TSHZ3: variants seen among roughly 807,000 people sequenced by gnomAD.
The protein encoded by TSHZ3 is teashirt zinc finger homeobox 3.
In TSHZ3, 10 loss-of-function variants were observed where a neutral mutation model predicts 64.5. The ratio of observed to expected loss-of-function variants is 0.16; its 90% CI spans 0.10 to 0.26. The LOEUF is 0.26. Among genes scored for constraint, TSHZ3 ranks in the 10% least tolerant of loss-of-function variants. The pLI is 1.00. For synonymous variants in TSHZ3, 608 were observed against 593.1 expected, an observed-to-expected ratio of 1.03 and a Z score of -0.36; for missense variants, 1,242 against 1,421.7, an observed-to-expected ratio of 0.87 and a Z score of 2.03.
intron 1 of TSHZ3, among the ~76,000 whole-genome samples, chr19:31,282,721 G>A (rs1686610270): frequency 6.6e-6 from 1 of 152,180 alleles, no homozygotes; most frequent in Admixed American, 6.5e-5. Context: ...TCAGTCTGAT[G>A]ACTGAGGAGG....
chr19:31,248,440 G>A (rs776568279), intron 1 of TSHZ3, among the ~76,000 whole-genome samples: 1 of 151,972 alleles, frequency 6.6e-6, no homozygotes, highest in Non-Finnish European at 1.5e-5. Context: ...AAGCAACCAG[G>A]GTCTCCAGCC....
At chr19:31,281,523 T>C (rs1223707103) in intron 1 of TSHZ3, among the ~76,000 whole-genome samples, 1 of 152,176 alleles carries the variant, frequency 6.6e-6, no homozygotes, top group East Asian at 1.9e-4. Flanking sequence ...TCTTTACAAA[T>C]GACCAGAAGA....
At chr19:31,224,472 C>G (rs1429266438) in intron 4 of TSHZ3, among the ~76,000 whole-genome samples, 2 of 152,208 alleles carry the variant, frequency 1.3e-5, no homozygotes, top group Non-Finnish European at 2.9e-5. Context: ...AAGGAAGTTT[C>G]AAGTGACGTT....
downstream of TSHZ3, among the ~76,000 whole-genome samples, chr19:31,273,814 A>G (rs904813942): frequency 6.6e-6 from 1 of 152,224 alleles, no homozygotes; most frequent in Non-Finnish European, 1.5e-5. Context: ...GGCCAGCCAC[A>G]GAGAAGATGG....
chr19:31,271,473 C>T (rs1245014149), downstream of TSHZ3, among the ~76,000 whole-genome samples: 1 of 152,212 alleles, frequency 6.6e-6, no homozygotes, highest in Non-Finnish European at 1.5e-5. Context: ...AGCTGCCACA[C>T]GGCACGCAGG....
chr19:31,246,590 G>A (rs1975760163), intron 1 of TSHZ3, among the ~76,000 whole-genome samples: 1 of 152,026 alleles, frequency 6.6e-6, no homozygotes, highest in South Asian at 2.1e-4. Context: ...AAAAACTCAT[G>A]GTTTAAAAAG....
chr19:31,242,812 A>T (rs1174048265), exon 2 of TSHZ3, among the ~76,000 whole-genome samples: 2 of 89,726 alleles, frequency 2.2e-5, no homozygotes, highest in Non-Finnish European at 4.2e-5. Context: ...TGGGTGTCTC[A>T]GTTCTAGGAG....
chr19:31,212,926 CAG>C (rs968099986), intron 4 of TSHZ3, among the ~76,000 whole-genome samples: 4 of 151,968 alleles, frequency 2.6e-5, no homozygotes, highest in African/African-American at 4.8e-5. Context: ...ACTATAAAGA[CAG>C]AAGCTAACAA....
At chr19:31,198,672 G>A (rs989844858) in intron 5 of TSHZ3, among the ~76,000 whole-genome samples, 3 of 151,942 alleles carry the variant, frequency 2.0e-5, no homozygotes, top group South Asian at 2.1e-4. Flanking sequence ...ACAAAATACC[G>A]TTTATATTAA....
At chr19:31,283,640 C>T (rs533455560) in intron 1 of TSHZ3, among the ~76,000 whole-genome samples, 6 of 152,282 alleles carry the variant, frequency 3.9e-5, no homozygotes, top group African/African-American at 9.6e-5. Context: ...CGTCCTTCCT[C>T]GGCTACATGT....
chr19:31,244,549 A>G (rs1404166878), intron 1 of TSHZ3, among the ~76,000 whole-genome samples: 1 of 152,234 alleles, frequency 6.6e-6, no homozygotes, highest in Non-Finnish European at 1.5e-5. Flanking sequence ...ACTATAAAGT[A>G]TATCAGTATA....
At chr19:31,162,839 G>A (rs2145105019) in intron 5 of TSHZ3, among the ~76,000 whole-genome samples, 1 of 152,316 alleles carries the variant, frequency 6.6e-6, no homozygotes, top group South Asian at 2.1e-4. Context: ...AAGTGCATGG[G>A]CACTCAGAGA....
rs536400264 is a variant in TSHZ3, at chr19:31,201,298, A to T, written n.809+3658T>A. 4.6e-5 allele frequency among the ~76,000 whole-genome samples: 7 copies of T among 150,552 alleles called. No individual in the cohort carries two copies. In the South Asian group the frequency reaches 1.5e-3, roughly 31 times the overall value. On this transcript the variant is annotated intron_variant and non_coding_transcript_variant, in intron 5 of 6. Transcript: ENST00000651361. ...AGATGGATGAGAAAGTTATAAAATG[A>T]CTTAAAAATATCAATCTCTTCGTGT... is the stretch of plus-strand genomic sequence containing the variant.
intron 1 of TSHZ3, among the ~76,000 whole-genome samples, chr19:31,316,691 C>CT (rs1189165363): frequency 6.6e-6 from 1 of 151,864 alleles, no homozygotes; most frequent in Non-Finnish European, 1.5e-5. Context: ...AGAGGAGGGG[C>CT]TGTTAGGGAA....
chr19:31,229,207 G>A (rs1225083894), intron 3 of TSHZ3, among the ~76,000 whole-genome samples: 2 of 152,142 alleles, frequency 1.3e-5, no homozygotes, highest in East Asian at 1.9e-4. Flanking sequence ...CTGACAAAAT[G>A]ATTCTAAATG....
At chr19:31,322,509 C>G (rs1916802709) in intron 1 of TSHZ3, among the ~76,000 whole-genome samples, 1 of 152,158 alleles carries the variant, frequency 6.6e-6, no homozygotes, top group African/African-American at 2.4e-5. Flanking sequence ...TAGGCATGAA[C>G]TCCTGGGCTC....
intron 5 of TSHZ3, among the ~76,000 whole-genome samples, chr19:31,192,230 A>G (rs1440692526): frequency 2.0e-5 from 3 of 152,228 alleles, no homozygotes; most frequent in Non-Finnish European, 2.9e-5. Flanking sequence ...AATAAGAAAA[A>G]GGGGAACAAA....
chr19:31,341,493 C>T (rs1330488808), intron 1 of TSHZ3, among the ~76,000 whole-genome samples: 2 of 152,040 alleles, frequency 1.3e-5, no homozygotes, highest in Non-Finnish European at 2.9e-5. Flanking sequence ...CCATCTGTAG[C>T]CCCCACCCCC....
exon 7 of TSHZ3, among the ~76,000 whole-genome samples, chr19:31,151,387 G>T (rs750607268): frequency 6.6e-6 from 1 of 151,972 alleles, no homozygotes; most frequent in Non-Finnish European, 1.5e-5. Context: ...AAACAACAAA[G>T]AAATTAACAT....
Sources: allele counts gnomAD v4.1 joint callset (sites outside exome capture counted in the v4.1 genomes callset), GRCh38; gene constraint gnomAD v4.1.1; transcripts MANE v1.5; gene names NCBI Gene and HGNC (gene_info 2026-07-23, HGNC 2026-07-21).